The following FSTL4 variants were observed in gnomAD, a reference collection of about 807,000 sequenced individuals.
FSTL4 encodes follistatin like 4.
A neutral mutation model predicts 78.2 loss-of-function variants in FSTL4; 28 were observed. The observed-to-expected ratio is 0.36, with a 90% confidence interval of 0.27 to 0.49. FSTL4 has a LOEUF of 0.49. Ranked by LOEUF, FSTL4 falls within the 20% of genes least tolerant of loss-of-function variation. FSTL4 has a pLI of 0.98. For missense variants in FSTL4, 922 were observed against 1,084.9 expected (o/e 0.85, Z 2.11); for synonymous variants, 422 against 440.5 (o/e 0.96, Z 0.53).
At chr5:133,754,085 G>C in the FSTL4 span, among the ~76,000 whole-genome samples, 20 of 152,306 alleles carry the variant, frequency 1.3e-4, no homozygotes, top group Admixed American at 3.9e-4. Flanking sequence ...TCCGCCAACA[G>C]TGGAGACAAC....
the FSTL4 span, among the ~76,000 whole-genome samples, chr5:133,673,195 A>G: frequency 8.5e-5 from 13 of 152,354 alleles, no homozygotes; most frequent in African/African-American, 3.1e-4. Flanking sequence ...TGCCCTGAGC[A>G]GTTTCCAGCT....
At chr5:133,638,807 T>C in the FSTL4 span, among the ~76,000 whole-genome samples, 1 of 139,012 alleles carries the variant, frequency 7.2e-6, no homozygotes, top group Non-Finnish European at 1.6e-5. Context: ...CTGCATACAA[T>C]TTGTAAATTA....
At chr5:133,739,643 C>T in the FSTL4 span, among the ~76,000 whole-genome samples, 1 of 152,220 alleles carries the variant, frequency 6.6e-6, no homozygotes, top group Admixed American at 6.5e-5. Context: ...AAGGCCTAGG[C>T]CCTCGGAGGA....
Position 133,264,331 on chromosome 5 carries a change from C to T in FSTL4, c.728-14755G>A, listed in dbSNP as rs1227584277. Among the ~76,000 whole-genome samples the T allele has an allele frequency of 5.3e-5, 8 of 152,000 alleles. No homozygotes were observed. The East Asian group carries it at 1.2e-3, about 22-fold the overall frequency. ...GTGGCTGCCCACCCACTGCCCTGCCCGAGGCAGGGGAGATCACCTGTGTGG... is the reference window on the plus strand; with the variant it reads ...GTGGCTGCCCACCCACTGCCCTGCCTGAGGCAGGGGAGATCACCTGTGTGG... On this transcript the variant is annotated intron_variant, in intron 6 of 15. Transcript: ENST00000265342.
chr5:133,369,426 A>G (rs1755244262), intron 4 of FSTL4, among the ~76,000 whole-genome samples: 1 of 152,090 alleles, frequency 6.6e-6, no homozygotes, highest in Non-Finnish European at 1.5e-5. Context: ...CATGCCACTC[A>G]CAGCAGAGTC....
the FSTL4 span, among the ~76,000 whole-genome samples, chr5:133,752,646 A>G: frequency 6.6e-6 from 1 of 152,114 alleles, no homozygotes; most frequent in Non-Finnish European, 1.5e-5. Context: ...AATTAAATTA[A>G]ATTAAAGGGC....
the FSTL4 span, among the ~76,000 whole-genome samples, chr5:133,658,159 CTG>C: frequency 6.6e-6 from 1 of 152,058 alleles, no homozygotes; most frequent in Admixed American, 6.5e-5. Flanking sequence ...AAAAGATAAA[CTG>C]TTACATTTGA....
At chr5:133,738,496 T>C in the FSTL4 span, among the ~76,000 whole-genome samples, 1 of 152,140 alleles carries the variant, frequency 6.6e-6, no homozygotes, top group Non-Finnish European at 1.5e-5. Flanking sequence ...GCCTGTGTAC[T>C]TGAACAGGCT....
intron 4 of FSTL4, among the ~76,000 whole-genome samples, chr5:133,352,239 T>C (rs78142171): frequency 0.14 from 18,248 of 132,562 alleles, 1,370 homozygotes; most frequent in African/African-American, 0.23. Context: ...CTCACACACA[T>C]ATATATATAC....
chr5:133,616,570 T>C (rs920995718), upstream of FSTL4, among the ~76,000 whole-genome samples: 18 of 151,868 alleles, frequency 1.2e-4, no homozygotes, highest in Middle Eastern at 3.4e-3. Context: ...CCCAGGTAAT[T>C]TTTGTACTTT....
chr5:133,732,789 C>T, the FSTL4 span, among the ~76,000 whole-genome samples: 1 of 152,192 alleles, frequency 6.6e-6, no homozygotes, highest in Non-Finnish European at 1.5e-5. Flanking sequence ...TGCAGGGGTC[C>T]CCGGGCTCTC....
chr5:133,210,875 T>C (rs919931167), intron 13 of FSTL4: 2 of 152,264 alleles, frequency 1.3e-5, no homozygotes, highest in African/African-American at 2.4e-5. Flanking sequence ...GGCAAAAGTC[T>C]GAACACAGAG....
intron 3 of FSTL4, among the ~76,000 whole-genome samples, chr5:133,503,579 C>T (rs1431181411): frequency 6.6e-6 from 1 of 152,198 alleles, no homozygotes; most frequent in East Asian, 1.9e-4. Context: ...GGCTCTGGCT[C>T]TCCAGGCCCT....
upstream of FSTL4, among the ~76,000 whole-genome samples, chr5:133,615,058 G>C (rs1761173803): frequency 1.3e-5 from 2 of 152,130 alleles, no homozygotes; most frequent in South Asian, 4.1e-4. Flanking sequence ...GATTACACCT[G>C]CATATCAGGA....
the FSTL4 span, among the ~76,000 whole-genome samples, chr5:133,791,833 T>C: frequency 1.2e-4 from 18 of 152,338 alleles, no homozygotes; most frequent in African/African-American, 4.3e-4. Flanking sequence ...TCCCCATGCC[T>C]TTCCTCTAGC....
chr5:133,828,692 C>T, the FSTL4 span, among the ~76,000 whole-genome samples: 2 of 152,222 alleles, frequency 1.3e-5, no homozygotes, highest in African/African-American at 4.8e-5. Context: ...CCTCTGCAAA[C>T]GCTGGAGCCC....
intron 3 of FSTL4, among the ~76,000 whole-genome samples, chr5:133,540,714 CAT>C (rs1328849530): frequency 2.9e-5 from 1 of 34,310 alleles, no homozygotes; most frequent in African/African-American, 1.5e-4. Context: ...CATGTTTTAA[CAT>C]AGGCAAAAAA....
the FSTL4 span, among the ~76,000 whole-genome samples, chr5:133,632,683 T>G: frequency 6.6e-6 from 1 of 152,140 alleles, no homozygotes; most frequent in Non-Finnish European, 1.5e-5. Context: ...TTGTTTGTTT[T>G]TTTTGTTGTT....
chr5:133,304,781 G>A (rs1256739718), intron 6 of FSTL4, among the ~76,000 whole-genome samples: 1 of 152,214 alleles, frequency 6.6e-6, no homozygotes, highest in East Asian at 1.9e-4. Context: ...AGGGTGCACT[G>A]GCCAGCAATC....
Sources: allele counts gnomAD v4.1 joint callset (sites outside exome capture counted in the v4.1 genomes callset), GRCh38; gene constraint gnomAD v4.1.1; transcripts MANE v1.5; gene names NCBI Gene and HGNC (gene_info 2026-07-23, HGNC 2026-07-21).